The following CUL2 variants were observed in gnomAD, a reference collection of about 807,000 sequenced individuals.
CUL2 encodes cullin 2, also known as cullin-2.
In CUL2, 22 loss-of-function variants were observed where a neutral mutation model predicts 110.2. That is an observed-to-expected ratio of 0.20 (90% CI 0.14 to 0.28). The LOEUF (loss-of-function observed/expected upper bound fraction) is 0.28, where lower values mean the gene tolerates loss of function less well. Ranked by LOEUF, CUL2 falls within the 10% of genes least tolerant of loss-of-function variation. The probability of loss-of-function intolerance (pLI) is 1.00; values close to 1 mark genes in which losing one functional copy is unlikely to be tolerated. For synonymous variants in CUL2, 279 were observed against 293.2 expected (o/e 0.95, Z 0.49); for missense variants, 631 against 905.5 (o/e 0.70, Z 3.89).
intron 9 of CUL2, 21 bp downstream of exon 9, chr10:35,038,899 C>T (rs1285760600): frequency 6.5e-7 from 1 of 1,526,854 alleles, no homozygotes; most frequent in Non-Finnish European, 8.9e-7. Context: ...TTAATTTCTA[C>T]TCATGTTTGG....
intron 11 of CUL2, among the ~76,000 whole-genome samples, chr10:35,032,759 T>TA (rs763964304): frequency 7.9e-5 from 12 of 151,538 alleles, no homozygotes; most frequent in South Asian, 2.1e-4. Context: ...TAACGTTACT[T>TA]AAAAAAAAAC....
At chr10:35,064,746 T>G (rs2086473094) in intron 2 of CUL2, among the ~76,000 whole-genome samples, 1 of 152,214 alleles carries the variant, frequency 6.6e-6, no homozygotes, top group South Asian at 2.1e-4. Context: ...TCTCACCATG[T>G]TGTCTAGGCT....
chr10:35,074,392 A>G lies in CUL2; in HGVS notation c.-22-3053T>C, dbSNP rs2086762296. 21 of 637,624 alleles carry G rather than the reference A, an allele frequency of 3.3e-5. No homozygotes were observed. In the South Asian group the frequency reaches 3.8e-4, roughly 12 times the overall value. 39.5% of individuals were successfully genotyped at this position (637,624 alleles called of 1,614,324 possible). ...CTGAACACATCAGCCTGATTCATACACTTGCCTTTACCCTTACTATTTTCT... is the reference window on the plus strand; with the variant it reads ...CTGAACACATCAGCCTGATTCATACGCTTGCCTTTACCCTTACTATTTTCT... On this transcript the variant is annotated intron_variant, in intron 1 of 20. Coordinates refer to ENST00000374749, the MANE Select transcript of CUL2 (RefSeq NM_003591.4).
intron 9 of CUL2, among the ~76,000 whole-genome samples, chr10:35,037,628 G>A (rs1008102248): frequency 2.0e-5 from 3 of 151,688 alleles, no homozygotes; most frequent in East Asian, 3.9e-4. Flanking sequence ...GGTGGATCAC[G>A]AGCTCAGGAG....
chr10:35,054,683 A>G, intron 4 of CUL2, 144 bp from the exon 5 acceptor site: 2 of 497,996 alleles, frequency 4.0e-6, no homozygotes, highest in Non-Finnish European at 7.0e-6. Flanking sequence ...TGAATTATGT[A>G]GAGATTAGAA....
chr10:35,094,712 T>A (rs1019963704), upstream of CUL2, among the ~76,000 whole-genome samples: 14 of 152,134 alleles, frequency 9.2e-5, no homozygotes, highest in Non-Finnish European at 2.1e-4. Context: ...TTCCAGAGAT[T>A]GCCCCCACCT....
At chr10:35,021,866 T>TGGGGTGAGGG (rs2085206227) in intron 17 of CUL2, among the ~76,000 whole-genome samples, 3 of 22,972 alleles carry the variant, frequency 1.3e-4, no homozygotes, top group Non-Finnish European at 2.4e-4. Context: ...TGAGGTGGGG[T>TGGGGTGAGGG]GGGGTGAGGT....
chr10:35,125,697 C>T (rs1163701691), intron 1 of CUL2, among the ~76,000 whole-genome samples: 1 of 152,298 alleles, frequency 6.6e-6, no homozygotes, highest in East Asian at 1.9e-4. Flanking sequence ...ATGAAAACAA[C>T]ACTGAATGAA....
chr10:35,029,384 A>G (rs975406980), intron 15 of CUL2, 104 bp downstream of exon 15: 4 of 816,514 alleles, frequency 4.9e-6, no homozygotes, highest in African/African-American at 3.6e-5. Flanking sequence ...AGAAGCCACA[A>G]TCTACTCACA....
At chr10:35,015,970 G>A (rs2085020295) in intron 18 of CUL2, among the ~76,000 whole-genome samples, 1 of 152,134 alleles carries the variant, frequency 6.6e-6, no homozygotes, top group Non-Finnish European at 1.5e-5. Flanking sequence ...AACAGTATAG[G>A]ACAAATAAAA....
chr10:35,126,858 T>C (rs1032724109), upstream of CUL2: 1 of 152,230 alleles, frequency 6.6e-6, no homozygotes, highest in Non-Finnish European at 1.5e-5. Flanking sequence ...TGTTGGATTG[T>C]GGCGCTTCAC....
intron 2 of CUL2, among the ~76,000 whole-genome samples, chr10:35,100,577 C>A (rs747152179): frequency 6.6e-6 from 1 of 152,054 alleles, no homozygotes; most frequent in Non-Finnish European, 1.5e-5. Flanking sequence ...GCCTGGCCAA[C>A]ATGGCGAAAC....
At chr10:35,075,754 T>C (rs1432927372) in intron 1 of CUL2, among the ~76,000 whole-genome samples, 1 of 152,168 alleles carries the variant, frequency 6.6e-6, no homozygotes. Flanking sequence ...GAAAACATTA[T>C]GTCAACATTA....
chr10:35,014,857 A>G (rs2084987284), intron 18 of CUL2, among the ~76,000 whole-genome samples: 1 of 152,146 alleles, frequency 6.6e-6, no homozygotes, highest in Admixed American at 6.5e-5. Flanking sequence ...ATAAAATAAA[A>G]TTTAAAGTGC....
In CUL2 at chr10:35,060,877, T is replaced by C; in HGVS notation, c.314A>G (p.Tyr105Cys). The change falls in exon 4 of 21, where the codon TAT becomes TGT. Residue 105 changes from tyrosine (Y) to cysteine (C), a missense_variant. Coordinates refer to ENST00000374749, the MANE Select transcript of CUL2 (RefSeq NM_003591.4). ...SKGADYMDCL[Y>C]RYLNTQFIKK... ...TAGATTTTAAAGGCACACTCACCTA[T>C]ATAAGCAGTCCATATAGTCTGCACC... is the stretch of plus-strand genomic sequence containing the variant. The C allele has an allele frequency of 1.2e-6, 2 of 1,610,714 alleles. No individual in the cohort carries two copies. The highest frequency in any genetic ancestry group is 2.2e-5 in the East Asian group (1 of 44,738).
chr10:35,030,257 A>G (rs2085447649), intron 14 of CUL2, among the ~76,000 whole-genome samples: 1 of 152,266 alleles, frequency 6.6e-6, no homozygotes, highest in South Asian at 2.1e-4. Context: ...CATATTTTTA[A>G]TAGCATCTAC....
At chr10:35,120,416 T>A (rs1299695809) in intron 1 of CUL2, 2 of 151,956 alleles carry the variant, frequency 1.3e-5, no homozygotes, top group Non-Finnish European at 2.9e-5. Context: ...CATACCTGGG[T>A]GTTGGGATGG....
At chr10:35,051,540 C>T (rs540753293) in intron 5 of CUL2, among the ~76,000 whole-genome samples, 1 of 149,082 alleles carries the variant, frequency 6.7e-6, no homozygotes, top group South Asian at 2.2e-4. Context: ...GTGAACCGGC[C>T]GGGCGGAGCC....
intron 1 of CUL2, among the ~76,000 whole-genome samples, chr10:35,114,082 G>GTT (rs112847858): frequency 5.8e-5 from 8 of 138,000 alleles, no homozygotes; most frequent in South Asian, 4.6e-4. Flanking sequence ...TAATTTTTGG[G>GTT]TTTTTTTTTT....
Sources: gnomAD v4.1 joint callset for allele counts (sites outside exome capture counted in the v4.1 genomes callset) on GRCh38, gnomAD v4.1.1 for gene constraint, MANE v1.5 for transcripts, NCBI Gene and HGNC (gene_info 2026-07-23, HGNC 2026-07-21) for gene names.